Variants in PLA2G4E observed in about 807,000 individuals in gnomAD.
The protein encoded by PLA2G4E is phospholipase A2 group IVE.
In PLA2G4E, 84 loss-of-function variants were observed where a neutral mutation model predicts 109.1. The observed-to-expected ratio is 0.77, with a 90% confidence interval of 0.65 to 0.92. The LOEUF (loss-of-function observed/expected upper bound fraction) is 0.92, where lower values mean the gene tolerates loss of function less well. Ranked by LOEUF, PLA2G4E falls within the 40% of genes least tolerant of loss-of-function variation. The pLI is 0.00. For synonymous variants in PLA2G4E, 469 were observed against 436.1 expected, an observed-to-expected ratio of 1.08 and a Z score of -0.94; for missense variants, 1,057 against 1,076.6, an observed-to-expected ratio of 0.98 and a Z score of 0.25.
chr15:42,012,962 C>T (rs1277912084), intron 2 of PLA2G4E, among the ~76,000 whole-genome samples: 1 of 152,164 alleles, frequency 6.6e-6, no homozygotes, highest in Non-Finnish European at 1.5e-5. Flanking sequence ...GTGGGAGGGG[C>T]TTTCAGTTCT....
At chr15:41,983,563 G>T in exon 20 of PLA2G4E, 1 of 602,988 alleles carries the variant, frequency 1.7e-6, no homozygotes, top group East Asian at 2.8e-5. Context: ...CCCCAACAGA[G>T]CTCCTCTCTC....
In PLA2G4E at chr15:42,014,618, G is replaced by T. The variant is rs934746540; in HGVS notation, c.184-861C>A. ...CTCACTGGGAGACCATGTGCCAGGGGCTCACCCCCACTGGTACTTACTTAG... is the reference window on the plus strand; with the variant it reads ...CTCACTGGGAGACCATGTGCCAGGGTCTCACCCCCACTGGTACTTACTTAG... On this transcript the variant is annotated intron_variant, in intron 1 of 19. Coordinates refer to ENST00000399518, the Ensembl canonical transcript of PLA2G4E. Among the ~76,000 whole-genome samples the T allele has an allele frequency of 3.9e-5, 6 of 152,266 alleles. No individual in the cohort carries two copies. The South Asian group carries it at 8.3e-4, about 21-fold the overall frequency.
chr15:42,050,378 A>C, intron 1 of PLA2G4E: 2 of 974,616 alleles, frequency 2.1e-6, no homozygotes, highest in Non-Finnish European at 2.9e-6. Flanking sequence ...GCAGCAGGGT[A>C]AAGGGACTCC....
intron 18 of PLA2G4E, among the ~76,000 whole-genome samples, chr15:41,985,240 A>G (rs1251605784): frequency 6.6e-6 from 1 of 152,178 alleles, no homozygotes; most frequent in Non-Finnish European, 1.5e-5. Flanking sequence ...AGGAAAGTGC[A>G]TTGTTACCCA....
chr15:42,004,915 C>T (rs200870591), intron 5 of PLA2G4E, 23 bp downstream of exon 5: 7 of 1,059,326 alleles, frequency 6.6e-6, no homozygotes, highest in Non-Finnish European at 8.3e-6. Context: ...CCTTGGTGGG[C>T]CCCGGGGCCT....
chr15:42,039,721 A>T (rs1325127204), intron 1 of PLA2G4E, among the ~76,000 whole-genome samples: 1 of 152,146 alleles, frequency 6.6e-6, no homozygotes, highest in African/African-American at 2.4e-5. Flanking sequence ...TAAAATATAT[A>T]AACCTAAGGA....
chr15:41,986,713 G>T (rs2068147848), intron 17 of PLA2G4E, among the ~76,000 whole-genome samples: 3 of 152,066 alleles, frequency 2.0e-5, no homozygotes, highest in Admixed American at 1.3e-4. Flanking sequence ...AAGAGATGGG[G>T]TCTCACCATA....
intron 7 of PLA2G4E, among the ~76,000 whole-genome samples, chr15:42,000,828 G>A (rs978498311): frequency 2.6e-5 from 4 of 152,154 alleles, no homozygotes; most frequent in African/African-American, 9.7e-5. Flanking sequence ...CTGGGCTTCG[G>A]GTGCTGACCA....
intron 1 of PLA2G4E, among the ~76,000 whole-genome samples, chr15:42,042,104 T>C (rs1889325305): frequency 6.6e-6 from 1 of 152,184 alleles, no homozygotes; most frequent in Admixed American, 6.5e-5. Context: ...CAAATGGTCA[T>C]AGCATCAGAA....
chr15:42,036,490 C>A (rs540524788), intron 1 of PLA2G4E, among the ~76,000 whole-genome samples: 2 of 152,260 alleles, frequency 1.3e-5, no homozygotes, highest in South Asian at 4.1e-4. Context: ...CCGAGGATGC[C>A]GGGTTCCTGT....
exon 20 of PLA2G4E, chr15:41,983,937 C>A: frequency 6.2e-7 from 1 of 1,611,968 alleles, no homozygotes. Context: ...AAATGTCCAC[C>A]TGGCCCTGCT....
At chr15:42,038,938 A>G (rs962196125) in intron 1 of PLA2G4E, among the ~76,000 whole-genome samples, 1 of 152,190 alleles carries the variant, frequency 6.6e-6, no homozygotes, top group East Asian at 1.9e-4. Flanking sequence ...ATGGGGTATC[A>G]TCTGACTTTT....
At chr15:42,040,220 A>G (rs972512777) in intron 1 of PLA2G4E, among the ~76,000 whole-genome samples, 7 of 151,322 alleles carry the variant, frequency 4.6e-5, no homozygotes, top group African/African-American at 1.7e-4. Flanking sequence ...ACACACACCT[A>G]CACACACACT....
intron 1 of PLA2G4E, among the ~76,000 whole-genome samples, chr15:42,020,466 C>T (rs1350305058): frequency 6.6e-6 from 1 of 152,216 alleles, no homozygotes; most frequent in Non-Finnish European, 1.5e-5. Flanking sequence ...TGACTGTAAA[C>T]CCAGGTGGGC....
chr15:42,011,611 T>C (rs1337189206), intron 2 of PLA2G4E, among the ~76,000 whole-genome samples: 1 of 151,870 alleles, frequency 6.6e-6, no homozygotes, highest in Non-Finnish European at 1.5e-5. Context: ...ATGCCTGTAG[T>C]CCCAGCTACT....
chr15:41,996,350 GAAAAA>G (rs34559872), intron 11 of PLA2G4E, among the ~76,000 whole-genome samples: 292 of 75,084 alleles, frequency 3.9e-3, no homozygotes, highest in Middle Eastern at 9.3e-3. Context: ...CCTGTCTCAA[GAAAAA>G]AAAAAAAAAA....
intron 5 of PLA2G4E, among the ~76,000 whole-genome samples, chr15:42,003,375 C>T (rs897818409): frequency 2.6e-5 from 4 of 152,240 alleles, no homozygotes; most frequent in African/African-American, 9.6e-5. Context: ...TCTCCTGCCT[C>T]AGCCTCCTGA....
intron 15 of PLA2G4E, 86 bp from the exon 16 acceptor site, chr15:41,988,242 C>G (rs533757291): frequency 5.7e-6 from 5 of 872,312 alleles, no homozygotes; most frequent in Middle Eastern, 3.9e-4. Context: ...CCCCACCCCC[C>G]CACCCCACGC....
chr15:42,050,386 T>C, intron 1 of PLA2G4E: 2 of 1,063,942 alleles, frequency 1.9e-6, no homozygotes, highest in Non-Finnish European at 1.3e-6. Context: ...GTAAAGGGAC[T>C]CCTCCGGAGA....
Sources: gnomAD v4.1 joint callset for allele counts (sites outside exome capture counted in the v4.1 genomes callset) on GRCh38, gnomAD v4.1.1 for gene constraint, MANE v1.5 for transcripts, NCBI Gene and HGNC (gene_info 2026-07-23, HGNC 2026-07-21) for gene names.